Variants in GASK1B observed in about 807,000 individuals in gnomAD.
The protein encoded by GASK1B is golgi associated kinase 1B, also known as Golgi-associated kinase 1B.
Under a neutral mutation model 42.8 loss-of-function variants are expected in GASK1B, and 34 were observed. The ratio of observed to expected loss-of-function variants is 0.79; its 90% CI spans 0.60 to 1.06. GASK1B has a LOEUF of 1.06. Ranked by LOEUF, GASK1B falls within the 50% of genes least tolerant of loss-of-function variation. The probability of loss-of-function intolerance (pLI) is 0.00; values close to 1 mark genes in which losing one functional copy is unlikely to be tolerated. For missense variants in GASK1B, 686 were observed against 661.0 expected (o/e 1.04, Z -0.42); for synonymous variants, 262 against 259.1 (o/e 1.01, Z -0.11).
At chr4:158,169,290 G>A (rs918469843) in intron 2 of GASK1B, 1 of 152,210 alleles carries the variant, frequency 6.6e-6, no homozygotes, top group African/African-American at 2.4e-5. Flanking sequence ...GTGGTGGACT[G>A]CTTTATAAAC....
At position 158,124,785 on chromosome 4, in the gene GASK1B, C is replaced by T. The variant is rs1047446814; in HGVS notation, c.*2622G>A. On this transcript the variant is annotated 3_prime_UTR_variant, in exon 5 of 5. Coordinates refer to ENST00000585682, the MANE Select transcript of GASK1B (RefSeq NM_001128424.2). ...ACCGCTAAAGGTAGCAAACATTCCTCTGTACCTAGCTCTGAAAACACATCT... is the reference window on the plus strand; with the variant it reads ...ACCGCTAAAGGTAGCAAACATTCCTTTGTACCTAGCTCTGAAAACACATCT... 3.3e-5 allele frequency: 5 copies of T among 152,154 alleles called. No homozygotes were observed. Among genetic ancestry groups the T allele is most frequent in the African/African-American group, 9.7e-5 (4 of 41,444 alleles). 9.4% of individuals were successfully genotyped at this position (152,154 alleles called of 1,614,324 possible).
intron 4 of GASK1B, among the ~76,000 whole-genome samples, chr4:158,128,309 T>C (rs543614149): frequency 5.9e-5 from 9 of 152,288 alleles, no homozygotes; most frequent in African/African-American, 2.2e-4. Flanking sequence ...AAAGTCTCTC[T>C]GGAAAACCTA....
chr4:158,135,689 C>T (rs757837212), intron 3 of GASK1B, among the ~76,000 whole-genome samples: 15 of 151,720 alleles, frequency 9.9e-5, no homozygotes, highest in East Asian at 1.9e-4. Flanking sequence ...GTCTCCAAAA[C>T]GATACTGCAA....
Position 158,125,049 on chromosome 4 carries a change from G to A in GASK1B, c.*2358C>T, listed in dbSNP as rs1162121269. 7 of 152,130 alleles carry A rather than the reference G, an allele frequency of 4.6e-5. No individual in the cohort carries two copies. The highest frequency in any genetic ancestry group is 1.7e-4 in the African/African-American group (7 of 41,442). 9.4% of individuals were successfully genotyped at this position (152,130 alleles called of 1,614,324 possible). A position where few individuals can be genotyped will look rare whatever the true frequency, so the allele number is the denominator to read the frequency against. ...TGAATAAAACCACAGCATAATCGGAGTGCATTTGAAATGCACAGAGTATTC... is the reference window on the plus strand; with the variant it reads ...TGAATAAAACCACAGCATAATCGGAATGCATTTGAAATGCACAGAGTATTC... On this transcript the variant is annotated 3_prime_UTR_variant, in exon 5 of 5. Transcript: ENST00000585682.
At chr4:158,142,838 G>C (rs1731188575) in intron 3 of GASK1B, among the ~76,000 whole-genome samples, 1 of 152,190 alleles carries the variant, frequency 6.6e-6, no homozygotes, top group Admixed American at 6.5e-5. Flanking sequence ...AGTGTAACCA[G>C]CAAAATTGAG....
intron 2 of GASK1B, among the ~76,000 whole-genome samples, chr4:158,165,400 G>A (rs1189080937): frequency 6.6e-6 from 1 of 152,074 alleles, no homozygotes. Flanking sequence ...ATAATAATTT[G>A]AGACTCTTGC....
chr4:158,125,052 C>T lies in GASK1B; in HGVS notation c.*2355G>A. The stretch of plus-strand genomic sequence containing the variant: ...ATAAAACCACAGCATAATCGGAGTG[C>T]ATTTGAAATGCACAGAGTATTCTCA... On this transcript the variant is annotated 3_prime_UTR_variant, in exon 5 of 5. Coordinates refer to ENST00000585682, the MANE Select transcript of GASK1B (RefSeq NM_001128424.2). 1 of 152,128 alleles carries T rather than the reference C, an allele frequency of 6.6e-6. No individual in the cohort carries two copies. Among genetic ancestry groups the T allele is most frequent in the Non-Finnish European group, 1.5e-5 (1 of 67,992 alleles). The allele number at this position is 152,128 out of a possible 1,614,324, so 9.4% of individuals were successfully genotyped here.
intron 2 of GASK1B, chr4:158,169,817 G>A: frequency 5.9e-6 from 1 of 170,426 alleles, no homozygotes; most frequent in Non-Finnish European, 1.3e-5. Context: ...TGTCACCCAA[G>A]ACGGGAGAAT....
At chr4:158,130,100 C>T (rs534625682) in intron 4 of GASK1B, among the ~76,000 whole-genome samples, 9 of 152,276 alleles carry the variant, frequency 5.9e-5, no homozygotes, top group African/African-American at 2.2e-4. Context: ...TCGGATGTCC[C>T]CAGATCTTTG....
intron 3 of GASK1B, among the ~76,000 whole-genome samples, 157 bp downstream of exon 3, chr4:158,155,454 G>T (rs1199703141): frequency 1.3e-5 from 2 of 151,988 alleles, no homozygotes; most frequent in Non-Finnish European, 2.9e-5. Context: ...ATCTACATTT[G>T]GCCATTATGG....
chr4:158,141,048 C>T (rs997113522), intron 3 of GASK1B, among the ~76,000 whole-genome samples: 2 of 152,048 alleles, frequency 1.3e-5, no homozygotes, highest in African/African-American at 4.8e-5. Context: ...TTAATTCAGA[C>T]GGATTCAAGA....
intron 3 of GASK1B, among the ~76,000 whole-genome samples, chr4:158,137,464 G>A (rs1011401192): frequency 1.3e-5 from 2 of 152,102 alleles, no homozygotes; most frequent in African/African-American, 4.8e-5. Context: ...AAAACACATG[G>A]ACTTATTTGT....
intron 2 of GASK1B, among the ~76,000 whole-genome samples, chr4:158,164,873 A>G (rs1014709965): frequency 1.3e-5 from 2 of 152,254 alleles, no homozygotes; most frequent in African/African-American, 2.4e-5. Context: ...GCTTGAAAAG[A>G]GAGTGAAAAA....
intron 3 of GASK1B, among the ~76,000 whole-genome samples, chr4:158,135,827 A>G (rs1429264531): frequency 6.6e-6 from 1 of 152,198 alleles, no homozygotes; most frequent in Non-Finnish European, 1.5e-5. Context: ...AGATGACATT[A>G]CAGTTAAATT....
At chr4:158,138,376 T>G (rs1174850231) in intron 3 of GASK1B, among the ~76,000 whole-genome samples, 2 of 152,188 alleles carry the variant, frequency 1.3e-5, no homozygotes, top group East Asian at 1.9e-4. Flanking sequence ...ATTTTTGCAT[T>G]TTATGAAATT....
chr4:158,149,918 T>G (rs1027985407), intron 3 of GASK1B, among the ~76,000 whole-genome samples: 1 of 114,126 alleles, frequency 8.8e-6, no homozygotes, highest in Non-Finnish European at 1.8e-5. Flanking sequence ...TTGTTCTGCA[T>G]GCTGCTTTTT....
At chr4:158,153,683 G>A (rs1424025634) in intron 3 of GASK1B, among the ~76,000 whole-genome samples, 3 of 152,078 alleles carry the variant, frequency 2.0e-5, no homozygotes, top group Non-Finnish European at 2.9e-5. Context: ...ACAGAATAGA[G>A]GACCCAGAAA....
At position 158,126,798 on chromosome 4, in the gene GASK1B, A is replaced by G. The variant is rs886668313; in HGVS notation, c.*609T>C. Reference sequence around the variant, plus strand: ...AAGGAATGGAAAATATGATTCTTGTACTTAAATGACTGATTTTTTATAGAC... The same window carrying G: ...AAGGAATGGAAAATATGATTCTTGTGCTTAAATGACTGATTTTTTATAGAC... On this transcript the variant is annotated 3_prime_UTR_variant, in exon 5 of 5. Coordinates refer to ENST00000585682, the MANE Select transcript of GASK1B (RefSeq NM_001128424.2). The G allele has an allele frequency of 5.3e-5, 8 of 152,184 alleles. No homozygotes were observed. The highest frequency in any genetic ancestry group is 1.9e-4 in the African/African-American group (8 of 41,460). The allele number at this position is 152,184 out of a possible 1,614,324, so 9.4% of individuals were successfully genotyped here.
At chr4:158,146,009 T>C (rs1731316475) in intron 3 of GASK1B, among the ~76,000 whole-genome samples, 5 of 152,236 alleles carry the variant, frequency 3.3e-5, no homozygotes, top group Admixed American at 3.3e-4. Flanking sequence ...TTTGTTTGAT[T>C]CTTTTATTTT....
Sources: allele counts gnomAD v4.1 joint callset (sites outside exome capture counted in the v4.1 genomes callset), GRCh38; gene constraint gnomAD v4.1.1; transcripts MANE v1.5; gene names NCBI Gene and HGNC (gene_info 2026-07-23, HGNC 2026-07-21).